The following SPRY3 variants were observed in gnomAD, a reference collection of about 807,000 sequenced individuals.
SPRY3 encodes the protein sprouty RTK signaling antagonist 3, also known as protein sprouty homolog 3.
In SPRY3, 15 loss-of-function variants were observed where a neutral mutation model predicts 20.2. The observed-to-expected ratio is 0.74, with a 90% CI of 0.50 to 1.14. The LOEUF (loss-of-function observed/expected upper bound fraction) is 1.14. Among genes scored for constraint, SPRY3 ranks in the 50% most tolerant of loss-of-function variants. SPRY3 has a pLI of 0.00. For synonymous variants in SPRY3, 143 were observed against 136.5 expected, an observed-to-expected ratio of 1.05 and a Z score of -0.33; for missense variants, 364 against 363.9, an observed-to-expected ratio of 1.00 and a Z score of 0.00.
chrX:155,711,004 G>A (rs2090982354), intron 2 of SPRY3, among the ~76,000 whole-genome samples: 1 of 151,674 alleles, frequency 6.6e-6, no homozygotes, highest in Non-Finnish European at 1.5e-5. Context: ...GCATTCCTGG[G>A]ATAAATCCCA....
chrX:155,626,703 C>T (rs1258313501), intron 1 of SPRY3, among the ~76,000 whole-genome samples: 1 of 111,801 alleles, frequency 8.9e-6, no homozygotes, highest in Non-Finnish European at 1.9e-5. Flanking sequence ...ATCTTTGATA[C>T]ATTTTTAGTT....
intron 2 of SPRY3, among the ~76,000 whole-genome samples, chrX:155,692,178 A>G (rs2068104356): frequency 9.1e-6 from 1 of 109,426 alleles, no homozygotes; most frequent in South Asian, 3.8e-4. Context: ...GTAAATGGGT[A>G]CAGCTTTATA....
chrX:155,777,998 T>A (rs2091440129), downstream of SPRY3: 1 of 166,978 alleles, frequency 6.0e-6, no homozygotes, highest in Non-Finnish European at 1.5e-5. Flanking sequence ...ATTTTTAGCA[T>A]GTTATTTATA....
chrX:155,748,363 A>C (rs1181708001), intron 2 of SPRY3, among the ~76,000 whole-genome samples: 1 of 151,854 alleles, frequency 6.6e-6, no homozygotes, highest in African/African-American at 2.4e-5. Flanking sequence ...AGTAGGTGGT[A>C]TCAAAAAGCA....
At chrX:155,670,807 G>A (rs953197904) in intron 2 of SPRY3, among the ~76,000 whole-genome samples, 5 of 111,874 alleles carry the variant, frequency 4.5e-5, no homozygotes, top group African/African-American at 1.6e-4. Flanking sequence ...ACTTGTCCAA[G>A]TTCACATAAG....
chrX:155,751,994 A>AT (rs2091266345), intron 2 of SPRY3, among the ~76,000 whole-genome samples: 1 of 151,012 alleles, frequency 6.6e-6, no homozygotes, highest in Non-Finnish European at 1.5e-5. Flanking sequence ...AAAGGAAAGG[A>AT]AAAGGAAAGG....
At chrX:155,733,973 A>T (rs1275177319) in intron 2 of SPRY3, among the ~76,000 whole-genome samples, 2 of 152,054 alleles carry the variant, frequency 1.3e-5, no homozygotes, top group Non-Finnish European at 2.9e-5. Flanking sequence ...GGCTTAATGG[A>T]ATATTGTGGC....
chrX:155,722,407 G>C (rs2091065541), intron 2 of SPRY3, among the ~76,000 whole-genome samples: 1 of 152,120 alleles, frequency 6.6e-6, no homozygotes, highest in South Asian at 2.1e-4. Context: ...TGTGGTCCCA[G>C]CTACTCAGGA....
chrX:155,703,819 T>C (rs2090928594), intron 2 of SPRY3, among the ~76,000 whole-genome samples: 1 of 152,042 alleles, frequency 6.6e-6, no homozygotes, highest in South Asian at 2.1e-4. Context: ...TGTGGTGTCT[T>C]TGTTCTCGTT....
chrX:155,736,115 C>T (rs190670863), intron 2 of SPRY3, among the ~76,000 whole-genome samples: 115 of 152,096 alleles, frequency 7.6e-4, no homozygotes, highest in African/African-American at 2.6e-3. Flanking sequence ...TTCCTCTCTC[C>T]TATCCCTTAA....
rs1379604113 is a variant in SPRY3, at chrX:155,737,264, T to C, written c.-281-30698T>C. ...TGTTCTTTGGTTATCCAATCCACCA[T>C]TGATGGGCATCTAGATTGATTCCAT... On this transcript the variant is annotated intron_variant, in intron 2 of 3. Transcript: ENST00000675360. Among the ~76,000 whole-genome samples the C allele has an allele frequency of 3.3e-5, 5 of 152,112 alleles. No individual in the cohort carries two copies. In the South Asian group the frequency reaches 8.3e-4, roughly 25 times the overall value.
At chrX:155,679,589 T>C (rs1243048186) in intron 2 of SPRY3, among the ~76,000 whole-genome samples, 1 of 111,802 alleles carries the variant, frequency 8.9e-6, no homozygotes, top group African/African-American at 3.3e-5. Flanking sequence ...CACATTGGGG[T>C]TTAAGTTCCA....
At chrX:155,718,665 G>A (rs931525082) in intron 2 of SPRY3, among the ~76,000 whole-genome samples, 1 of 151,946 alleles carries the variant, frequency 6.6e-6, no homozygotes, top group Admixed American at 6.6e-5. Flanking sequence ...ATGGATAAAA[G>A]TGTTTGAACA....
chrX:155,662,888 G>A (rs1380878304), intron 2 of SPRY3, among the ~76,000 whole-genome samples: 1 of 111,277 alleles, frequency 9.0e-6, no homozygotes, highest in Admixed American at 9.6e-5. Flanking sequence ...CCCAAGAAAT[G>A]TTCAGTTCTG....
At chrX:155,679,481 G>A (rs933110927) in intron 2 of SPRY3, among the ~76,000 whole-genome samples, 7 of 110,444 alleles carry the variant, frequency 6.3e-5, no homozygotes, top group African/African-American at 2.3e-4. Context: ...GGAGTAGCTA[G>A]TTCCTTCCAG....
exon 4 of SPRY3, chrX:155,773,977 A>C (rs2091402043): frequency 2.5e-6 from 4 of 1,613,966 alleles, no homozygotes; most frequent in Non-Finnish European, 2.5e-6. Flanking sequence ...AGCCCCCTGT[A>C]AACAGGCCCT....
Position 155,745,958 on chromosome X carries a change from C to T in SPRY3, c.-281-22004C>T, listed in dbSNP as rs773604539. Reference sequence around the variant, plus strand: ...AGCGAGCGTTACACTTGGCTCAAGTCCAAACTGCATGACTGCACAAACACT... The same window carrying T: ...AGCGAGCGTTACACTTGGCTCAAGTTCAAACTGCATGACTGCACAAACACT... On this transcript the variant is annotated intron_variant, in intron 2 of 3. Transcript: ENST00000675360. Among the ~76,000 whole-genome samples, 19 of 152,092 alleles carry T rather than the reference C, an allele frequency of 1.2e-4. No individual in the cohort carries two copies. In the South Asian group the frequency reaches 3.7e-3, roughly 30 times the overall value.
intron 1 of SPRY3, among the ~76,000 whole-genome samples, chrX:155,632,219 C>CACACACA (rs782713575): frequency 1.0e-5 from 1 of 98,678 alleles, no homozygotes; most frequent in Non-Finnish European, 2.0e-5. Context: ...TCCACAGCCA[C>CACACACA]CACACACACA....
intron 2 of SPRY3, among the ~76,000 whole-genome samples, chrX:155,738,927 G>T (rs1169934658): frequency 6.6e-6 from 1 of 152,192 alleles, no homozygotes; most frequent in Admixed American, 6.5e-5. Flanking sequence ...GCATTGTTCT[G>T]TGGGCCCCAC....
Sources: gnomAD v4.1 joint callset for allele counts (sites outside exome capture counted in the v4.1 genomes callset) on GRCh38, gnomAD v4.1.1 for gene constraint, MANE v1.5 for transcripts, NCBI Gene and HGNC (gene_info 2026-07-23, HGNC 2026-07-21) for gene names.